The following C12orf76 variants were observed in gnomAD, a reference collection of about 807,000 sequenced individuals.
The protein encoded by C12orf76 is chromosome 12 open reading frame 76.
In C12orf76, 6 loss-of-function variants were observed where a neutral mutation model predicts 6.8. That is an observed-to-expected ratio of 0.88 (90% CI 0.48 to 1.73). The LOEUF is 1.73. C12orf76 is among the 40% of genes most tolerant of loss of function. The pLI is 0.01. For missense variants in C12orf76, 99 were observed against 98.2 expected, an observed-to-expected ratio of 1.01 and a Z score of -0.03; for synonymous variants, 56 against 43.7, an observed-to-expected ratio of 1.28 and a Z score of -1.11.
upstream of C12orf76, chr12:110,050,857 C>G (rs558493609): frequency 1.8e-5 from 11 of 606,114 alleles, no homozygotes; most frequent in Non-Finnish European, 3.2e-5. Context: ...GATCCAAGAA[C>G]CCCCTCTTGG....
At chr12:110,059,105 C>T in exon 3 of C12orf76, 1 of 1,551,550 alleles carries the variant, frequency 6.4e-7, no homozygotes, top group Non-Finnish European at 8.7e-7. Flanking sequence ...AGCCTCAGCT[C>T]TCTTAAATGC....
chr12:110,057,154 C>T (rs751452036), intron 4 of C12orf76: 1 of 1,440,076 alleles, frequency 6.9e-7, no homozygotes, highest in African/African-American at 1.4e-5. Flanking sequence ...TCCCAATCCA[C>T]ATGCTCTGAA....
rs1053218995 is a variant in C12orf76, at chr12:110,041,204, G to A, written c.*1170C>T. ...GGATTTTACTTTAGTTTTAATTGAC[G>A]TTTTGCTCAAAAGCAAAGAACTGAA... On this transcript the variant is annotated 3_prime_UTR_variant, in exon 2 of 2. Transcript: ENST00000615315. The A allele has an allele frequency of 2.2e-4, 33 of 152,452 alleles. No individual in the cohort carries two copies. The highest frequency in any genetic ancestry group is 1.8e-3 in the Admixed American group (27 of 15,274). The allele number at this position is 152,452 out of a possible 1,614,324, so 9.4% of individuals were successfully genotyped here.
chr12:110,062,452 G>T (rs1892786160), intron 2 of C12orf76, among the ~76,000 whole-genome samples: 2 of 152,000 alleles, frequency 1.3e-5, no homozygotes, highest in African/African-American at 4.8e-5. Flanking sequence ...ACTGTTAATG[G>T]GTATGAGGGC....
chr12:110,066,215 T>C (rs970103656), intron 1 of C12orf76, among the ~76,000 whole-genome samples: 1 of 150,828 alleles, frequency 6.6e-6, no homozygotes, highest in Non-Finnish European at 1.5e-5. Flanking sequence ...CTACTAAAAT[T>C]ACAAAAATTA....
At chr12:110,066,164 G>A in intron 1 of C12orf76, 1 of 1,262,482 alleles carries the variant, frequency 7.9e-7, no homozygotes, top group Non-Finnish European at 1.0e-6. Flanking sequence ...TTGAGGCCAG[G>A]AGTTCAAGAC....
chr12:110,052,031 T>G (rs1047372858), upstream of C12orf76, among the ~76,000 whole-genome samples: 6 of 148,416 alleles, frequency 4.0e-5, no homozygotes, highest in African/African-American at 1.5e-4. Context: ...TAGCTGGGAC[T>G]ACAGGTGCCC....
intron 2 of C12orf76, among the ~76,000 whole-genome samples, chr12:110,062,714 G>C (rs1421305622): frequency 6.7e-6 from 1 of 149,286 alleles, no homozygotes; most frequent in Non-Finnish European, 1.5e-5. Flanking sequence ...CAACTTCCCA[G>C]GATCAAGCGA....
At chr12:110,061,940 C>A (rs1892778698) in intron 2 of C12orf76, among the ~76,000 whole-genome samples, 1 of 152,114 alleles carries the variant, frequency 6.6e-6, no homozygotes, top group Non-Finnish European at 1.5e-5. Flanking sequence ...AGTGACTTAA[C>A]CTTTCTGAGT....
intron 1 of C12orf76, among the ~76,000 whole-genome samples, chr12:110,073,210 C>T (rs892452837): frequency 3.9e-5 from 6 of 152,150 alleles, no homozygotes; most frequent in Admixed American, 1.3e-4. Context: ...GAAATGAATC[C>T]CGCTCGCCTT....
At chr12:110,042,547 T>A in intron 1 of C12orf76, 88 bp from the exon 2 acceptor site, 2 of 828,708 alleles carry the variant, frequency 2.4e-6, no homozygotes, top group South Asian at 1.4e-5. Flanking sequence ...CAAATGCCAC[T>A]TGCTGCCAGG....
chr12:110,050,651 A>G, upstream of C12orf76: 1 of 277,012 alleles, frequency 3.6e-6, no homozygotes, highest in African/African-American at 2.2e-5. Flanking sequence ...GTTACCCTAT[A>G]TGGTCTAAAA....
rs71079597 is a variant in C12orf76, at chr12:110,062,788, A to ATTTT, written n.380+3068_380+3071dup. ...GTGTGCACCACCATGCCCAGCTAAT[A>ATTTT]TTTTTTTTTTTTTTTTTTTTTTTTT... On this transcript the variant is annotated intron_variant and non_coding_transcript_variant, in intron 2 of 4. Coordinates refer to the C12orf76 transcript ENST00000309050. 3.4e-3 allele frequency among the ~76,000 whole-genome samples: 213 copies of ATTTT among 63,390 alleles called. 6 individuals carry two copies. The highest frequency in any genetic ancestry group is 0.014 in the African/African-American group (194 of 13,428). The allele number at this position is 63,390 out of a possible 152,430, so 41.6% of individuals were successfully genotyped here.
rs1487808546 is a variant in C12orf76, at chr12:110,054,852, G to GT, written n.664+2336dup. 6.6e-6 allele frequency among the ~76,000 whole-genome samples: 1 copy of GT among 152,218 alleles called. No individual in the cohort carries two copies. The highest frequency in any genetic ancestry group is 1.5e-5 in the Non-Finnish European group (1 of 68,046). ...GCTGTGTTGCCGAGGCTGGAACGCA[G>GT]TGGCTATTTCACAGGTGCAGTCACA... is the stretch of plus-strand genomic sequence containing the variant. On this transcript the variant is annotated intron_variant and non_coding_transcript_variant, in intron 4 of 4. Transcript: ENST00000309050. This position sits in a 1 kb window ranked among gnomAD's most constrained non-coding sequence, Gnocchi z 4.4.
chr12:110,056,991 G>T lies in C12orf76; in HGVS notation n.664+198C>A, dbSNP rs1892679568. On this transcript the variant is annotated intron_variant and non_coding_transcript_variant, in intron 4 of 4. Transcript: ENST00000309050. ...GAACAGACAAATACATCCATCAAGG[G>T]GCACTCACAGGCAAGTCTGGATGAG... 3 of 586,164 alleles carry T rather than the reference G, an allele frequency of 5.1e-6. No homozygotes were observed. In the Admixed American group the frequency reaches 8.9e-5, roughly 17 times the overall value. 36.3% of individuals were successfully genotyped at this position (586,164 alleles called of 1,614,324 possible). A position where few individuals can be genotyped will look rare whatever the true frequency, so the allele number is the denominator to read the frequency against.
upstream of C12orf76, chr12:110,049,967 G>T (rs990098199): frequency 6.6e-6 from 1 of 152,198 alleles, no homozygotes; most frequent in African/African-American, 2.4e-5. Flanking sequence ...CTTTAGTGCT[G>T]TGAGGAGCCC....
At chr12:110,045,231 T>TA in intron 1 of C12orf76, among the ~76,000 whole-genome samples, 1 of 152,354 alleles carries the variant, frequency 6.6e-6, no homozygotes, top group South Asian at 2.1e-4. Context: ...CAATTGGACT[T>TA]AAAGTTGTCT....
At chr12:110,064,529 G>A (rs1057478164) in intron 2 of C12orf76, among the ~76,000 whole-genome samples, 1 of 152,214 alleles carries the variant, frequency 6.6e-6, no homozygotes, top group African/African-American at 2.4e-5. Flanking sequence ...TAGCTGTTAT[G>A]TTTCAAGCAA....
intron 4 of C12orf76, among the ~76,000 whole-genome samples, chr12:110,056,602 G>A (rs1892671953): frequency 6.6e-6 from 1 of 152,106 alleles, no homozygotes; most frequent in African/African-American, 2.4e-5. Flanking sequence ...AAGAAAAAGA[G>A]GAAAGCTGGA....
Sources: allele counts gnomAD v4.1 joint callset (sites outside exome capture counted in the v4.1 genomes callset), GRCh38; gene constraint gnomAD v4.1.1; non-coding constraint Gnocchi (gnomAD v3.1); transcripts MANE v1.5; gene names NCBI Gene and HGNC (gene_info 2026-07-23, HGNC 2026-07-21).